KLHL2: variants seen among roughly 807,000 people sequenced by gnomAD.
The protein encoded by KLHL2 is kelch like family member 2, also known as kelch-like protein 2.
A neutral mutation model predicts 75.8 loss-of-function variants in KLHL2; 15 were observed. The observed-to-expected ratio is 0.20, with a 90% CI of 0.13 to 0.30. The LOEUF (loss-of-function observed/expected upper bound fraction) is 0.30. KLHL2 is among the 10% of genes least tolerant of loss of function. The pLI, the probability that KLHL2 is intolerant of heterozygous loss-of-function variation, is 1.00. For missense variants in KLHL2, 381 were observed against 741.0 expected (o/e 0.51, Z 5.64); for synonymous variants, 214 against 251.9 (o/e 0.85, Z 1.42).
chr4:165,231,367 TGAGCCTGG>T (rs1244403533), intron 3 of KLHL2, among the ~76,000 whole-genome samples: 1 of 152,124 alleles, frequency 6.6e-6, no homozygotes, highest in African/African-American at 2.4e-5. Flanking sequence ...AAGGATCACT[TGAGCCTGG>T]GAGGCAGAGG....
intron 5 of KLHL2, among the ~76,000 whole-genome samples, chr4:165,271,729 A>G (rs1424257812): frequency 1.3e-5 from 2 of 152,228 alleles, no homozygotes; most frequent in Admixed American, 6.5e-5. Flanking sequence ...TAAATCTGGT[A>G]GAAGTTACAA....
intron 5 of KLHL2, chr4:165,279,140 TC>T (rs978012028): frequency 1.2e-6 from 2 of 1,602,958 alleles, no homozygotes; most frequent in African/African-American, 2.7e-5. Context: ...TCGTTTTTCT[TC>T]AACGGCCTTT....
intron 11 of KLHL2, among the ~76,000 whole-genome samples, chr4:165,311,807 C>CTGTGTGTGTG (rs753272810): frequency 7.0e-4 from 78 of 111,718 alleles, no homozygotes; most frequent in Non-Finnish European, 1.1e-3. Flanking sequence ...CCTCCTTTCT[C>CTGTGTGTGTG]TCTGTGTGTG....
chr4:165,246,684 C>T (rs1740292134), intron 4 of KLHL2, among the ~76,000 whole-genome samples: 1 of 152,116 alleles, frequency 6.6e-6, no homozygotes, highest in Non-Finnish European at 1.5e-5. Flanking sequence ...GTGCTGTTGT[C>T]TGAGATGGTG....
chr4:165,321,857 T>C (rs976878106), intron 14 of KLHL2, among the ~76,000 whole-genome samples, 175 bp from the exon 15 acceptor site: 1 of 152,170 alleles, frequency 6.6e-6, no homozygotes, highest in African/African-American at 2.4e-5. Context: ...TAAACAGAGT[T>C]TTCACTGTCA....
At chr4:165,313,513 C>T (rs565624672) in intron 12 of KLHL2, 147 bp downstream of exon 12, 2 of 632,810 alleles carry the variant, frequency 3.2e-6, no homozygotes. Context: ...TTGAATTGTG[C>T]AGGTAATGGG....
At position 165,311,537 on chromosome 4, in the gene KLHL2, G is replaced by A. The variant is rs1579183288; in HGVS notation, c.1311G>A (p.Arg437=). 1 of 1,613,938 alleles carries A rather than the reference G, an allele frequency of 6.2e-7. No individual in the cohort carries two copies. The highest frequency in any genetic ancestry group is 8.5e-7 in the Non-Finnish European group (1 of 1,179,858). The change falls in exon 11 of 15, where the codon AGG becomes AGA. Residue 437 remains arginine, a synonymous_variant. Coordinates refer to ENST00000226725, the MANE Select transcript of KLHL2 (RefSeq NM_007246.4). ...ATGTAGCTCCCATGAATACAAGGAG[G>A]AGCAGTGTTGGTGTGGGTGTTGTTG... ...WFHVAPMNTR[R]SSVGVGVVGG...
At chr4:165,235,301 T>C (rs1213138085) in intron 3 of KLHL2, among the ~76,000 whole-genome samples, 1 of 152,138 alleles carries the variant, frequency 6.6e-6, no homozygotes, top group Non-Finnish European at 1.5e-5. Flanking sequence ...CCCGGGTTCA[T>C]GCAATTCTCC....
intron 5 of KLHL2, among the ~76,000 whole-genome samples, chr4:165,277,310 T>C (rs111678162): frequency 6.6e-6 from 1 of 152,132 alleles, no homozygotes; most frequent in East Asian, 1.9e-4. Context: ...CTATAAGATC[T>C]AGACAGAAAG....
At chr4:165,317,691 A>G (rs1357342620) in intron 13 of KLHL2, 135 bp from the exon 14 acceptor site, 1 of 679,244 alleles carries the variant, frequency 1.5e-6, no homozygotes, top group Non-Finnish European at 2.5e-6. Context: ...AATTCTTTTC[A>G]TGCTCACTAT....
At chr4:165,279,821 GT>G (rs1320828541) in intron 5 of KLHL2, 3 of 676,670 alleles carry the variant, frequency 4.4e-6, no homozygotes, top group Non-Finnish European at 8.1e-6. Context: ...CTCATTTTCT[GT>G]CTTGGCCTCC....
intron 4 of KLHL2, among the ~76,000 whole-genome samples, chr4:165,243,500 A>G (rs888110569): frequency 2.6e-5 from 4 of 152,280 alleles, no homozygotes; most frequent in Admixed American, 6.5e-5. Context: ...TAAAAAGTTC[A>G]TGAAATATAT....
rs1277895321 is a variant in KLHL2, at chr4:165,322,201, G to A, written c.*141G>A. 5.2e-6 allele frequency: 4 copies of A among 771,670 alleles called. No homozygotes were observed. The highest frequency in any genetic ancestry group is 2.5e-5 in the East Asian group (1 of 39,376). The allele number at this position is 771,670 out of a possible 1,614,324, so 47.8% of individuals were successfully genotyped here. ...GAAGATACGATCGTCTGCCTTTATAGGCCTCAGATACTGAAGATTATTTTT... is the reference window on the plus strand; with the variant it reads ...GAAGATACGATCGTCTGCCTTTATAAGCCTCAGATACTGAAGATTATTTTT... On this transcript the variant is annotated 3_prime_UTR_variant, in exon 15 of 15. Transcript: ENST00000226725.
At chr4:165,266,657 C>G (rs1663235987) in intron 5 of KLHL2, among the ~76,000 whole-genome samples, 2 of 152,156 alleles carry the variant, frequency 1.3e-5, no homozygotes, top group Non-Finnish European at 2.9e-5. Context: ...TCTGAGGCCT[C>G]TGTTCTGTTC....
chr4:165,221,343 A>T (rs1322673278), intron 2 of KLHL2, among the ~76,000 whole-genome samples: 3 of 152,234 alleles, frequency 2.0e-5, no homozygotes, highest in Non-Finnish European at 4.4e-5. Context: ...GAAGACAGGA[A>T]TAATTATGCT....
chr4:165,237,469 A>T (rs1188871231), intron 3 of KLHL2, among the ~76,000 whole-genome samples: 2 of 150,710 alleles, frequency 1.3e-5, no homozygotes. Context: ...TAGCTCTGAG[A>T]TGAACAGCTT....
chr4:165,280,058 G>A lies in KLHL2; in HGVS notation c.545-14301G>A, dbSNP rs957458301. ...AACTCTGGGGTCCCTACCTTGGTTC[G>A]GACTAGATGTGTGCCTTCTCATTCT... On this transcript the variant is annotated intron_variant, in intron 5 of 14. Coordinates refer to ENST00000226725, the MANE Select transcript of KLHL2 (RefSeq NM_007246.4). 4.6e-5 allele frequency among the ~76,000 whole-genome samples: 7 copies of A among 152,224 alleles called. 1 individual carries two copies. The highest frequency in any genetic ancestry group is 2.6e-4 in the Admixed American group (4 of 15,294).
intron 3 of KLHL2, among the ~76,000 whole-genome samples, chr4:165,232,957 C>T (rs1377721780): frequency 7.1e-6 from 1 of 141,422 alleles, no homozygotes; most frequent in Non-Finnish European, 1.5e-5. Flanking sequence ...TTTCATTCCA[C>T]CAAACATCAT....
rs184492204 is a variant in KLHL2, at chr4:165,311,109, G to A, written c.1238-355G>A. ...CCTGACTTTGTGATCCGCCCACCTCGGCCTCCCAAAGTGCTGGGATTACAA... is the reference window on the plus strand; with the variant it reads ...CCTGACTTTGTGATCCGCCCACCTCAGCCTCCCAAAGTGCTGGGATTACAA... On this transcript the variant is annotated intron_variant, in intron 10 of 14. Coordinates refer to ENST00000226725, the MANE Select transcript of KLHL2 (RefSeq NM_007246.4). Among the ~76,000 whole-genome samples the A allele has an allele frequency of 1.9e-3, 282 of 152,060 alleles. 2 individuals are homozygous for A. Among genetic ancestry groups the A allele is most frequent in the South Asian group, 7.3e-3 (35 of 4,822 alleles).
Sources: gnomAD v4.1 joint callset for allele counts (sites outside exome capture counted in the v4.1 genomes callset) on GRCh38, gnomAD v4.1.1 for gene constraint, MANE v1.5 for transcripts, NCBI Gene and HGNC (gene_info 2026-07-23, HGNC 2026-07-21) for gene names.